The following PCDHGB3 variants were observed in gnomAD, a reference collection of about 807,000 sequenced individuals.
PCDHGB3 encodes the protein protocadherin gamma-B3.
In PCDHGB3, 40 loss-of-function variants were observed where a neutral mutation model predicts 59.2. The ratio of observed to expected loss-of-function variants is 0.68; its 90% CI spans 0.52 to 0.88. PCDHGB3 has a LOEUF of 0.88. PCDHGB3 is among the 40% of genes least tolerant of loss of function. The pLI, the probability that PCDHGB3 is intolerant of heterozygous loss-of-function variation, is 0.00. For synonymous variants in PCDHGB3, 581 were observed against 503.6 expected (o/e 1.15, Z -2.06); for missense variants, 1,309 against 1,187.9 (o/e 1.10, Z -1.50).
intron 3 of PCDHGB3, among the ~76,000 whole-genome samples, chr5:141,510,147 C>T (rs1416633745): frequency 1.3e-5 from 2 of 151,984 alleles, no homozygotes; most frequent in Non-Finnish European, 2.9e-5. Flanking sequence ...GTGGTGTGCA[C>T]CTGTAATCTC....
intron 1 of PCDHGB3, among the ~76,000 whole-genome samples, chr5:141,386,387 C>T (rs1416257552): frequency 6.6e-6 from 1 of 152,092 alleles, no homozygotes; most frequent in Admixed American, 6.5e-5. Context: ...TAATTAAAAA[C>T]ACACTTTTAG....
chr5:141,504,496 G>C (rs2099838771), intron 2 of PCDHGB3, among the ~76,000 whole-genome samples: 1 of 152,100 alleles, frequency 6.6e-6, no homozygotes, highest in Non-Finnish European at 1.5e-5. Flanking sequence ...CACCTGCCCA[G>C]TCTGAGTGGA....
intron 1 of PCDHGB3, chr5:141,408,041 C>T: frequency 1.7e-6 from 2 of 1,193,652 alleles, no homozygotes; most frequent in Non-Finnish European, 2.3e-6. Context: ...AAACCAGCTC[C>T]CACACAGAGC....
At chr5:141,478,598 A>C in intron 1 of PCDHGB3, 1 of 1,566,350 alleles carries the variant, frequency 6.4e-7, no homozygotes, top group South Asian at 1.2e-5. Flanking sequence ...TTATTCCTAC[A>C]TCATATTGAG....
Position 141,511,126 on chromosome 5 carries a change from G to A in PCDHGB3, c.2743G>A (p.Gly915Ser). The A allele has an allele frequency of 1.9e-6, 3 of 1,614,212 alleles. No individual in the cohort carries two copies. The highest frequency in any genetic ancestry group is 2.2e-5 in the South Asian group (2 of 91,086). The change falls in exon 4 of 4, where the codon GGT becomes AGT. Residue 915 changes from glycine to serine, a missense_variant. Coordinates refer to ENST00000576222, the MANE Select transcript of PCDHGB3 (RefSeq NM_018924.5). ...AGKRDGKAPA[G>S]GNGNKKKSGK... ...CAAGCGGGATGGCAAGGCCCCAGCA[G>A]GTGGCAATGGCAACAAGAAGAAGTC...
At chr5:141,433,123 C>T (rs575738328) in intron 1 of PCDHGB3, 5 of 1,614,116 alleles carry the variant, frequency 3.1e-6, no homozygotes, top group African/African-American at 2.7e-5. Context: ...TTGAAAAAAG[C>T]GAGCCCCTTT....
intron 1 of PCDHGB3, chr5:141,430,634 C>G: frequency 1.1e-6 from 1 of 882,730 alleles, no homozygotes; most frequent in Non-Finnish European, 1.7e-6. Flanking sequence ...TGAACCATCC[C>G]TGGGAGTATG....
chr5:141,437,484 T>C (rs547317864), intron 1 of PCDHGB3, among the ~76,000 whole-genome samples: 2 of 152,332 alleles, frequency 1.3e-5, no homozygotes, highest in South Asian at 4.1e-4. Flanking sequence ...ATATTTAATC[T>C]CGTAGATCAC....
chr5:141,456,703 G>A (rs528071544), intron 1 of PCDHGB3, among the ~76,000 whole-genome samples: 37 of 152,180 alleles, frequency 2.4e-4, no homozygotes, highest in Non-Finnish European at 4.9e-4. Context: ...GGTGGCTCGC[G>A]CCTGTAATCC....
chr5:141,377,582 T>A (rs1774132578), intron 1 of PCDHGB3: 1 of 150,722 alleles, frequency 6.6e-6, no homozygotes. Flanking sequence ...GGAGACAGAA[T>A]GAGACTTTTT....
intron 2 of PCDHGB3, among the ~76,000 whole-genome samples, chr5:141,498,543 C>T (rs2099784198): frequency 6.6e-6 from 1 of 151,870 alleles, no homozygotes; most frequent in South Asian, 2.1e-4. Flanking sequence ...CTGGTCTGGT[C>T]AGACACACCA....
chr5:141,394,748 C>G (rs960054108), intron 1 of PCDHGB3: 7 of 1,613,296 alleles, frequency 4.3e-6, no homozygotes, highest in Non-Finnish European at 5.9e-6. Flanking sequence ...TCGTGGTGGC[C>G]GTCCAGGACC....
chr5:141,481,730 G>A (rs778885944), intron 1 of PCDHGB3, among the ~76,000 whole-genome samples: 1 of 151,952 alleles, frequency 6.6e-6, no homozygotes, highest in African/African-American at 2.4e-5. Context: ...GAGGCGGGCG[G>A]ATCACGAGGT....
intron 1 of PCDHGB3, chr5:141,377,208 T>A (rs1773778688): frequency 6.6e-6 from 1 of 152,244 alleles, no homozygotes; most frequent in Non-Finnish European, 1.5e-5. Context: ...ATTGAGTACA[T>A]CTCGTTTCTT....
chr5:141,505,618 A>G, intron 3 of PCDHGB3, 137 bp downstream of exon 3: 6 of 1,496,136 alleles, frequency 4.0e-6, no homozygotes, highest in Non-Finnish European at 5.4e-6. Flanking sequence ...GAAAGGACCC[A>G]CAATTCCAAA....
intron 1 of PCDHGB3, chr5:141,377,601 C>G: frequency 7.5e-6 from 1 of 133,100 alleles, no homozygotes; most frequent in South Asian, 2.3e-4. Flanking sequence ...TTCTCTCTCT[C>G]TCTCAAAAAA....
At chr5:141,500,223 T>TATTG (rs1554186512) in intron 2 of PCDHGB3, among the ~76,000 whole-genome samples, 5 of 145,410 alleles carry the variant, frequency 3.4e-5, no homozygotes, top group African/African-American at 5.2e-5. Context: ...TTTATTTATT[T>TATTG]ATTGATACGT....
At chr5:141,400,214 C>T in intron 1 of PCDHGB3, 1 of 1,614,042 alleles carries the variant, frequency 6.2e-7, no homozygotes, top group Non-Finnish European at 8.5e-7. Context: ...GCCTTGATCT[C>T]AGTGCTCTTC....
intron 1 of PCDHGB3, among the ~76,000 whole-genome samples, chr5:141,445,746 TA>T (rs1486411811): frequency 2.0e-5 from 3 of 152,028 alleles, no homozygotes; most frequent in Non-Finnish European, 4.4e-5. Flanking sequence ...TTTTAAAAAA[TA>T]AAAGGTGTGA....
Sources: allele counts gnomAD v4.1 joint callset (sites outside exome capture counted in the v4.1 genomes callset), GRCh38; gene constraint gnomAD v4.1.1; transcripts MANE v1.5; gene names NCBI Gene and HGNC (gene_info 2026-07-23, HGNC 2026-07-21).